The following GRM7 variants were observed in gnomAD, a reference collection of about 807,000 sequenced individuals.
GRM7 encodes the protein metabotropic glutamate receptor 7.
In GRM7, 35 loss-of-function variants were observed where a neutral mutation model predicts 84.5. The ratio of observed to expected loss-of-function variants is 0.41; its 90% confidence interval spans 0.32 to 0.55. The LOEUF (loss-of-function observed/expected upper bound fraction) is 0.55, where lower values mean the gene tolerates loss of function less well. Among genes scored for constraint, GRM7 ranks in the 20% least tolerant of loss-of-function variants. GRM7 has a pLI of 0.19. For missense variants in GRM7, 1,003 were observed against 1,194.6 expected, an observed-to-expected ratio of 0.84 and a Z score of 2.36; for synonymous variants, 487 against 455.1, an observed-to-expected ratio of 1.07 and a Z score of -0.89.
chr3:7,215,538 G>T (rs540771693), intron 2 of GRM7, among the ~76,000 whole-genome samples: 2 of 151,844 alleles, frequency 1.3e-5, no homozygotes, highest in Non-Finnish European at 2.9e-5. Context: ...GGTGGTGGGC[G>T]CCTGTAGTCC....
At chr3:7,141,193 G>A (rs548058224) in intron 1 of GRM7, among the ~76,000 whole-genome samples, 7 of 151,714 alleles carry the variant, frequency 4.6e-5, no homozygotes, top group African/African-American at 1.7e-4. Context: ...TTGCTTACAT[G>A]GAAATCCCAA....
chr3:7,648,960 A>G (rs1371010313), intron 8 of GRM7, among the ~76,000 whole-genome samples: 1 of 150,966 alleles, frequency 6.6e-6, no homozygotes, highest in Non-Finnish European at 1.5e-5. Context: ...AAAGGAGCAA[A>G]CTGAAGGAAG....
At chr3:7,199,079 G>A (rs946431830) in intron 2 of GRM7, among the ~76,000 whole-genome samples, 35 of 152,192 alleles carry the variant, frequency 2.3e-4, no homozygotes, top group African/African-American at 8.4e-4. Context: ...CTTCCTGTCA[G>A]TGGGAAGTGT....
intron 2 of GRM7, among the ~76,000 whole-genome samples, chr3:7,150,127 G>T (rs539528978): frequency 1.7e-4 from 26 of 152,040 alleles, no homozygotes; most frequent in African/African-American, 6.0e-4. Context: ...GGGGTGCATA[G>T]ACTCAATGGC....
At chr3:7,387,628 T>G (rs895593219) in intron 4 of GRM7, among the ~76,000 whole-genome samples, 15 of 152,214 alleles carry the variant, frequency 9.9e-5, no homozygotes, top group South Asian at 2.1e-4. Flanking sequence ...GGGTCTGTAT[T>G]CTGTTCCATT....
chr3:6,965,815 G>T (rs1231172936), intron 1 of GRM7, among the ~76,000 whole-genome samples: 1 of 152,160 alleles, frequency 6.6e-6, no homozygotes, highest in Non-Finnish European at 1.5e-5. Flanking sequence ...GCAAGGTTCT[G>T]CTCGCATCCA....
intron 1 of GRM7, among the ~76,000 whole-genome samples, chr3:6,885,587 A>G (rs986532488): frequency 1.3e-5 from 2 of 152,186 alleles, no homozygotes; most frequent in Non-Finnish European, 2.9e-5. Context: ...CCTGCCTCCT[A>G]CCACACACCC....
intron 4 of GRM7, among the ~76,000 whole-genome samples, chr3:7,363,644 C>T (rs982365864): frequency 5.9e-5 from 9 of 152,012 alleles, no homozygotes; most frequent in Admixed American, 2.0e-4. Context: ...ACAATTTCTC[C>T]AGGGTAAGTC....
chr3:7,363,673 TG>T (rs1367395455), intron 4 of GRM7, among the ~76,000 whole-genome samples: 1 of 152,100 alleles, frequency 6.6e-6, no homozygotes, highest in Non-Finnish European at 1.5e-5. Context: ...GGGAAATTAC[TG>T]GGTCTCATCC....
At chr3:7,412,981 C>T (rs1214481730) in intron 4 of GRM7, among the ~76,000 whole-genome samples, 2 of 150,404 alleles carry the variant, frequency 1.3e-5, no homozygotes, top group East Asian at 1.9e-4. Flanking sequence ...CCTCAATTCA[C>T]TATGACACAC....
chr3:7,360,663 A>G (rs1382039891), intron 4 of GRM7, among the ~76,000 whole-genome samples: 1 of 152,136 alleles, frequency 6.6e-6, no homozygotes, highest in African/African-American at 2.4e-5. Context: ...ATAAATTAGC[A>G]AGGTTTGGAC....
chr3:7,295,681 G>C (rs888884356), intron 2 of GRM7, among the ~76,000 whole-genome samples: 2 of 152,264 alleles, frequency 1.3e-5, no homozygotes, highest in Middle Eastern at 6.8e-3. Context: ...AGCAGGACTG[G>C]TTTTTCGGTG....
At chr3:7,181,165 T>C (rs957907811) in intron 2 of GRM7, among the ~76,000 whole-genome samples, 1 of 152,202 alleles carries the variant, frequency 6.6e-6, no homozygotes, top group Non-Finnish European at 1.5e-5. Context: ...ATGTTACAAT[T>C]AAGCTCTTAA....
chr3:7,051,836 G>C (rs1697012611), intron 1 of GRM7, among the ~76,000 whole-genome samples: 1 of 151,774 alleles, frequency 6.6e-6, no homozygotes, highest in South Asian at 2.1e-4. Context: ...AATGGGAAGA[G>C]AAGCTGACCT....
intron 4 of GRM7, among the ~76,000 whole-genome samples, chr3:7,340,907 C>A (rs948331577): frequency 6.6e-6 from 1 of 152,090 alleles, no homozygotes; most frequent in Non-Finnish European, 1.5e-5. Flanking sequence ...AAGTCTAGAA[C>A]TGGTAGTGAG....
At chr3:6,920,326 G>A (rs556114506) in intron 1 of GRM7, among the ~76,000 whole-genome samples, 2 of 152,102 alleles carry the variant, frequency 1.3e-5, no homozygotes, top group East Asian at 1.9e-4. Flanking sequence ...AGGCCGAGGC[G>A]AGAGGATTAC....
At chr3:7,061,383 A>G (rs1373390414) in intron 1 of GRM7, among the ~76,000 whole-genome samples, 1 of 151,712 alleles carries the variant, frequency 6.6e-6, no homozygotes, top group Non-Finnish European at 1.5e-5. Context: ...AAAACATATG[A>G]GGTAGGATAT....
At chr3:7,523,789 G>A (rs533510492) in intron 7 of GRM7, among the ~76,000 whole-genome samples, 1 of 152,250 alleles carries the variant, frequency 6.6e-6, no homozygotes, top group Admixed American at 6.5e-5. Flanking sequence ...TCGGGATATA[G>A]TGGGGATTAA....
At chr3:7,170,051 G>T (rs1167938023) in intron 2 of GRM7, among the ~76,000 whole-genome samples, 3 of 152,296 alleles carry the variant, frequency 2.0e-5, no homozygotes, top group Admixed American at 2.0e-4. Flanking sequence ...CTAATAATTT[G>T]CTTTTCTAAC....
Sources: gnomAD v4.1 joint callset for allele counts (sites outside exome capture counted in the v4.1 genomes callset) on GRCh38, gnomAD v4.1.1 for gene constraint, MANE v1.5 for transcripts, NCBI Gene and HGNC (gene_info 2026-07-23, HGNC 2026-07-21) for gene names.